The following KIAA1217 variants were observed in gnomAD, a reference collection of about 807,000 sequenced individuals.
KIAA1217 encodes KIAA1217.
Under a neutral mutation model 163.9 loss-of-function variants are expected in KIAA1217, and 88 were observed. That is an observed-to-expected ratio of 0.54 (90% confidence interval 0.45 to 0.64). KIAA1217 has a LOEUF of 0.64. KIAA1217 is among the 30% of genes least tolerant of loss of function. The pLI is 0.00. For synonymous variants in KIAA1217, 903 were observed against 923.1 expected (o/e 0.98, Z 0.39); for missense variants, 2,372 against 2,475.0 (o/e 0.96, Z 0.88).
intron 2 of KIAA1217, among the ~76,000 whole-genome samples, chr10:24,088,256 C>CATATATATATATATAT (rs758367708): frequency 1.3e-4 from 12 of 95,854 alleles, no homozygotes; most frequent in African/African-American, 3.7e-4. Flanking sequence ...TTTTAATATA[C>CATATATATATATATAT]ATATATATAT....
Position 24,149,924 on chromosome 10 carries a change from G to A in KIAA1217, c.-170-69702G>A, listed in dbSNP as rs59400028. Among the ~76,000 whole-genome samples the A allele has an allele frequency of 9.5e-3, 1,441 of 152,150 alleles. 15 individuals carry two copies. The highest frequency in any genetic ancestry group is 0.032 in the African/African-American group (1,334 of 41,520). ...AAAACAAAAGGAGCAATAAGAACCA[G>A]AAGACAATAAAATGATGTAAAATTG... On this transcript the variant is annotated intron_variant, in intron 2 of 18. Coordinates refer to the KIAA1217 transcript ENST00000376462.
rs571511528 is a variant in KIAA1217, at chr10:23,824,364, T to A, written c.-321+129130T>A. Among the ~76,000 whole-genome samples the A allele has an allele frequency of 2.6e-4, 40 of 151,714 alleles. 1 individual carries two copies. Among genetic ancestry groups the A allele is most frequent in the African/African-American group, 9.7e-4 (40 of 41,356 alleles). ...AGATATGTAGGCCGGGCGCGGTGGCTCACGCCTGTAATCCCAGCGCTTTGG... is the reference window on the plus strand; with the variant it reads ...AGATATGTAGGCCGGGCGCGGTGGCACACGCCTGTAATCCCAGCGCTTTGG... On this transcript the variant is annotated intron_variant, in intron 1 of 18. Transcript: ENST00000376462.
chr10:23,873,315 A>G (rs1840546315), intron 1 of KIAA1217, among the ~76,000 whole-genome samples: 2 of 152,194 alleles, frequency 1.3e-5, no homozygotes, highest in South Asian at 4.1e-4. Context: ...GGATATTATC[A>G]TTAATATTCT....
intron 2 of KIAA1217, among the ~76,000 whole-genome samples, chr10:24,091,397 A>G (rs1193360233): frequency 6.6e-6 from 1 of 151,966 alleles, no homozygotes; most frequent in Non-Finnish European, 1.5e-5. Context: ...GAATATAGGG[A>G]GAAAAATTCT....
intron 1 of KIAA1217, among the ~76,000 whole-genome samples, chr10:23,806,253 A>G (rs563237270): frequency 6.6e-6 from 1 of 152,232 alleles, no homozygotes; most frequent in South Asian, 2.1e-4. Flanking sequence ...TTATTCCATT[A>G]TTGCCTGATA....
chr10:24,276,823 TGG>T (rs1212881444), intron 2 of KIAA1217, among the ~76,000 whole-genome samples: 1 of 152,050 alleles, frequency 6.6e-6, no homozygotes, highest in Non-Finnish European at 1.5e-5. Flanking sequence ...TTGGCCAGGC[TGG>T]TCTGGAACTC....
chr10:24,474,790 G>A (rs887446528), intron 6 of KIAA1217, among the ~76,000 whole-genome samples: 5 of 152,168 alleles, frequency 3.3e-5, no homozygotes, highest in African/African-American at 1.2e-4. Flanking sequence ...TTTTGATAAA[G>A]GGAATTTCTC....
intron 1 of KIAA1217, among the ~76,000 whole-genome samples, chr10:23,991,728 G>T (rs993118963): frequency 3.9e-5 from 6 of 152,264 alleles, no homozygotes; most frequent in Non-Finnish European, 8.8e-5. Flanking sequence ...ATAATTACAT[G>T]AAGCAGACAG....
upstream of KIAA1217, among the ~76,000 whole-genome samples, chr10:24,205,328 A>AAAAAAAT (rs1697860924): frequency 6.9e-6 from 1 of 144,072 alleles, no homozygotes; most frequent in Non-Finnish European, 1.5e-5. Context: ...AAAAAAAAAA[A>AAAAAAAT]GCCAGGCGTG....
At chr10:24,531,712 C>T in intron 14 of KIAA1217, 118 bp from the exon 15 acceptor site, 1 of 992,102 alleles carries the variant, frequency 1.0e-6, no homozygotes, top group Non-Finnish European at 1.4e-6. Flanking sequence ...AATCCTTGCT[C>T]TATGGAGAGA....
intron 1 of KIAA1217, among the ~76,000 whole-genome samples, chr10:23,892,385 G>C (rs886230930): frequency 6.6e-6 from 1 of 151,866 alleles, no homozygotes; most frequent in Non-Finnish European, 1.5e-5. Context: ...AAAATTATCA[G>C]TACAGTAAAC....
intron 1 of KIAA1217, among the ~76,000 whole-genome samples, chr10:23,929,037 G>C (rs536686770): frequency 4.7e-4 from 71 of 152,334 alleles, no homozygotes; most frequent in African/African-American, 1.3e-3. Flanking sequence ...AAGAAGATCA[G>C]TGTGCCAGGC....
chr10:23,718,543 A>G (rs922636680), intron 1 of KIAA1217, among the ~76,000 whole-genome samples: 3 of 152,210 alleles, frequency 2.0e-5, no homozygotes, highest in African/African-American at 7.2e-5. Flanking sequence ...TTGCTGATAA[A>G]TCCTTTATCG....
chr10:24,376,329 G>T (rs1230786070), intron 2 of KIAA1217, among the ~76,000 whole-genome samples: 1 of 152,098 alleles, frequency 6.6e-6, no homozygotes, highest in Non-Finnish European at 1.5e-5. Context: ...AGAAAGTTTT[G>T]GTCCTGCAAG....
chr10:24,254,188 C>CA (rs1160533375), intron 2 of KIAA1217, among the ~76,000 whole-genome samples: 2 of 152,196 alleles, frequency 1.3e-5, no homozygotes, highest in African/African-American at 4.8e-5. Flanking sequence ...ATGCACCCAG[C>CA]AAAGATTGGC....
intron 1 of KIAA1217, among the ~76,000 whole-genome samples, chr10:23,856,808 G>A (rs889389080): frequency 6.6e-6 from 1 of 152,246 alleles, no homozygotes; most frequent in Non-Finnish European, 1.5e-5. Context: ...GTAGGACACT[G>A]CCAGCCATGT....
At chr10:24,544,578 C>A in intron 19 of KIAA1217, 97 bp downstream of exon 19, 4 of 1,391,018 alleles carry the variant, frequency 2.9e-6, no homozygotes, top group Non-Finnish European at 3.8e-6. Flanking sequence ...TAATTGCTTT[C>A]TTTCAGGTGG....
chr10:23,920,287 T>C (rs1759783637), intron 1 of KIAA1217, among the ~76,000 whole-genome samples: 2 of 152,200 alleles, frequency 1.3e-5, no homozygotes, highest in African/African-American at 4.8e-5. Flanking sequence ...AGATCCAGCT[T>C]CAGAGGTAGA....
At chr10:24,086,159 T>C (rs1410229191) in intron 2 of KIAA1217, among the ~76,000 whole-genome samples, 2 of 152,076 alleles carry the variant, frequency 1.3e-5, no homozygotes, top group Non-Finnish European at 2.9e-5. Context: ...TCTTGATTGT[T>C]AATAGAGGAA....
Sources: gnomAD v4.1 joint callset for allele counts (sites outside exome capture counted in the v4.1 genomes callset) on GRCh38, gnomAD v4.1.1 for gene constraint, MANE v1.5 for transcripts, NCBI Gene and HGNC (gene_info 2026-07-23, HGNC 2026-07-21) for gene names.